SMG6: variants seen among roughly 807,000 people sequenced by gnomAD.
The protein encoded by SMG6 is telomerase-binding protein EST1A.
Under a neutral mutation model 142.2 loss-of-function variants are expected in SMG6, and 66 were observed. That is an observed-to-expected ratio of 0.46 (90% CI 0.38 to 0.57). SMG6 has a LOEUF of 0.57. Ranked by LOEUF, SMG6 falls within the 20% of genes least tolerant of loss-of-function variation. SMG6 has a pLI of 0.00. For missense variants in SMG6, 1,793 were observed against 1,832.0 expected, an observed-to-expected ratio of 0.98 and a Z score of 0.39; for synonymous variants, 779 against 702.4, an observed-to-expected ratio of 1.11 and a Z score of -1.72.
intron 13 of SMG6, among the ~76,000 whole-genome samples, chr17:2,103,673 C>T (rs1314511673): frequency 1.3e-5 from 2 of 152,210 alleles, no homozygotes; most frequent in Non-Finnish European, 2.9e-5. Context: ...TCGCCCCACG[C>T]TCTTCTTGTG....
chr17:2,303,084 A>T (rs2075321030), intron 1 of SMG6: 5 of 985,326 alleles, frequency 5.1e-6, no homozygotes, highest in Non-Finnish European at 6.0e-6. Flanking sequence ...AACTGCTCCC[A>T]CACATGCCAG....
At chr17:2,283,866 A>C in intron 6 of SMG6, 131 bp from the exon 7 acceptor site, 2 of 654,930 alleles carry the variant, frequency 3.1e-6, no homozygotes, top group Non-Finnish European at 5.4e-6. Context: ...CAACAACAAA[A>C]TCAGAAATGC....
intron 10 of SMG6, among the ~76,000 whole-genome samples, chr17:2,228,830 G>C (rs1370953684): frequency 6.6e-6 from 1 of 152,186 alleles, no homozygotes; most frequent in Non-Finnish European, 1.5e-5. Context: ...AGGAACATCT[G>C]AGGGACTGAC....
intron 13 of SMG6, among the ~76,000 whole-genome samples, chr17:2,092,176 G>C (rs535259872): frequency 6.6e-6 from 1 of 152,082 alleles, no homozygotes; most frequent in Non-Finnish European, 1.5e-5. Context: ...AGTAGAGACG[G>C]GGTTTCGCCA....
intron 4 of SMG6, among the ~76,000 whole-genome samples, chr17:2,295,673 T>A (rs953619078): frequency 6.6e-6 from 1 of 152,034 alleles, no homozygotes; most frequent in Non-Finnish European, 1.5e-5. Flanking sequence ...GTACCCCAAC[T>A]TTTGCTTCAA....
chr17:2,263,985 T>G (rs749610344), intron 8 of SMG6, among the ~76,000 whole-genome samples: 2 of 151,768 alleles, frequency 1.3e-5, no homozygotes, highest in Non-Finnish European at 2.9e-5. Flanking sequence ...ATATAGGAAG[T>G]TGGTGAGAAA....
At chr17:2,154,019 T>C (rs1285149366) in intron 13 of SMG6, among the ~76,000 whole-genome samples, 1 of 106,288 alleles carries the variant, frequency 9.4e-6, no homozygotes, top group South Asian at 3.8e-4. Context: ...GGGATGCATG[T>C]AGAGTGTGAC....
chr17:2,276,614 A>C (rs2074655095), intron 8 of SMG6, among the ~76,000 whole-genome samples: 1 of 152,000 alleles, frequency 6.6e-6, no homozygotes, highest in East Asian at 1.9e-4. Context: ...TCGAACTTCC[A>C]ACCTCAGGTG....
chr17:2,077,155 A>C (rs1305207681), intron 15 of SMG6, among the ~76,000 whole-genome samples: 2 of 152,208 alleles, frequency 1.3e-5, no homozygotes, highest in African/African-American at 4.8e-5. Flanking sequence ...TACACTCTGG[A>C]ATGTGATTAG....
In SMG6 at chr17:2,299,300, G is replaced by A; in HGVS notation, c.1453C>T (p.Pro485Ser). The change falls in exon 2 of 19, where the codon CCT (proline) becomes TCT (serine). Residue 485 changes from proline to serine, a missense_variant. Pro to Ser is a moderately conservative substitution (Grantham distance 74, BLOSUM62 -1). Transcript: ENST00000263073. The surrounding 1 kb of genome is among the most constrained non-coding windows in gnomAD (Gnocchi z 4.3). The part of the protein sequence containing the change: ...HFLDTDDEVS[P>S]TSWGDSRQAQ... ...TGGCGTGAGTCACCCCAAGATGTAG[G>A]GCTGACTTCATCATCAGTGTCCAAG... is the stretch of plus-strand genomic sequence containing the variant. 6.2e-7 allele frequency: 1 copy of A among 1,614,030 alleles called. No individual in the cohort carries two copies. The highest frequency in any genetic ancestry group is 8.5e-7 in the Non-Finnish European group (1 of 1,180,020).
chr17:2,227,835 G>C (rs1481952231), intron 10 of SMG6, among the ~76,000 whole-genome samples: 6 of 152,096 alleles, frequency 3.9e-5, no homozygotes, highest in Admixed American at 2.6e-4. Flanking sequence ...GCTTATAATA[G>C]TCCCAAAGAG....
intron 12 of SMG6, among the ~76,000 whole-genome samples, chr17:2,186,256 CAAAA>C (rs397771010): frequency 1.8e-5 from 2 of 111,172 alleles, no homozygotes. Context: ...TACCCTGTTT[CAAAA>C]AAAAAAAAAA....
chr17:2,299,905 T>C lies in SMG6; in HGVS notation c.848A>G (p.Gln283Arg), dbSNP rs756037345. ...LTDNGCRRRR[Q>R]DRTKERPRLK... ...TCGTGGCCTCTCCTTGGTCCTATCC[T>C]GTCGGCGGCGGCGACATCCATTATC... The change falls in exon 2 of 19, where the codon CAG becomes CGG. Residue 283 changes from glutamine to arginine, a missense_variant. Gln to Arg is a conservative substitution (Grantham distance 43, BLOSUM62 1). This residue lies in a region of SMG6 where 1,597 missense variants were observed against 1,584.6 expected (regional missense o/e 1.01). Transcript: ENST00000263073. This position sits in a 1 kb window ranked among gnomAD's most constrained non-coding sequence, Gnocchi z 4.3. 6.2e-7 allele frequency: 1 copy of C among 1,614,200 alleles called. No homozygotes were observed. Among genetic ancestry groups the C allele is most frequent in the Admixed American group, 1.7e-5 (1 of 60,024 alleles).
intron 8 of SMG6, among the ~76,000 whole-genome samples, chr17:2,263,483 A>G (rs1040618160): frequency 6.6e-6 from 1 of 152,242 alleles, no homozygotes; most frequent in East Asian, 1.9e-4. Flanking sequence ...AGTGATTTCT[A>G]TAATAAATGC....
intron 13 of SMG6, among the ~76,000 whole-genome samples, chr17:2,156,547 C>T (rs1287512809): frequency 1.3e-5 from 2 of 152,220 alleles, no homozygotes; most frequent in East Asian, 3.8e-4. Flanking sequence ...TAACATCAGC[C>T]TGTCAGATGC....
At chr17:2,208,539 C>A (rs374763451) in intron 10 of SMG6, among the ~76,000 whole-genome samples, 1 of 152,200 alleles carries the variant, frequency 6.6e-6, no homozygotes, top group East Asian at 1.9e-4. Context: ...CTGATCTGAA[C>A]GGTACTTCAC....
chr17:2,228,582 TG>T (rs1214467893), intron 10 of SMG6, among the ~76,000 whole-genome samples: 3 of 150,336 alleles, frequency 2.0e-5, no homozygotes, highest in Non-Finnish European at 3.0e-5. Context: ...AGGCTGGTCT[TG>T]AACTCCTGGC....
chr17:2,111,868 A>T (rs2069332150), intron 13 of SMG6, among the ~76,000 whole-genome samples: 1 of 152,078 alleles, frequency 6.6e-6, no homozygotes, highest in Non-Finnish European at 1.5e-5. Context: ...CAGCTTGCAC[A>T]CCCGCTCCAT....
intron 8 of SMG6, among the ~76,000 whole-genome samples, chr17:2,261,250 C>G (rs1597732358): frequency 2.0e-5 from 3 of 151,254 alleles, no homozygotes; most frequent in African/African-American, 2.4e-5. Context: ...GGAGGCGGAG[C>G]TTGCAGTGAG....
Sources: gnomAD v4.1 joint callset for allele counts (sites outside exome capture counted in the v4.1 genomes callset) on GRCh38, gnomAD v4.1.1 for gene constraint, gnomAD v4.1.1 regional missense constraint, Gnocchi (gnomAD v3.1) non-coding constraint, MANE v1.5 for transcripts, NCBI Gene and HGNC (gene_info 2026-07-23, HGNC 2026-07-21) for gene names.